Variants in THSD7A observed in about 807,000 individuals in gnomAD.
THSD7A encodes thrombospondin type 1 domain containing 7A.
Under a neutral mutation model 231.3 loss-of-function variants are expected in THSD7A, and 96 were observed. The ratio of observed to expected loss-of-function variants is 0.41; its 90% CI spans 0.35 to 0.49. The LOEUF is 0.49. Among genes scored for constraint, THSD7A ranks in the 20% least tolerant of loss-of-function variants. The pLI, the probability that THSD7A is intolerant of heterozygous loss-of-function variation, is 0.05. For synonymous variants in THSD7A, 940 were observed against 743.3 expected, an observed-to-expected ratio of 1.26 and a Z score of -4.30; for missense variants, 2,290 against 2,070.2, an observed-to-expected ratio of 1.11 and a Z score of -2.06.
At chr7:11,657,183 C>A (rs1782743041) in intron 1 of THSD7A, among the ~76,000 whole-genome samples, 1 of 151,670 alleles carries the variant, frequency 6.6e-6, no homozygotes, top group Admixed American at 6.6e-5. Flanking sequence ...TGATTCCAGT[C>A]AGAATGGGGG....
intron 1 of THSD7A, among the ~76,000 whole-genome samples, chr7:11,718,027 T>C (rs1009335678): frequency 6.6e-6 from 1 of 151,600 alleles, no homozygotes; most frequent in Admixed American, 6.6e-5. Context: ...TGCACAAAGA[T>C]TATCACAAAT....
intron 1 of THSD7A, among the ~76,000 whole-genome samples, chr7:11,825,004 C>A (rs142491656): frequency 1.3e-5 from 2 of 152,002 alleles, no homozygotes; most frequent in South Asian, 4.1e-4. Flanking sequence ...GCTGTCTACA[C>A]ATAAGTGCCA....
intron 1 of THSD7A, among the ~76,000 whole-genome samples, chr7:11,682,284 A>C (rs1427419399): frequency 6.6e-6 from 1 of 152,132 alleles, no homozygotes; most frequent in South Asian, 2.1e-4. Flanking sequence ...AACAGCCTCA[A>C]TGCTCTACTT....
chr7:11,616,690 C>T (rs1163497726), intron 2 of THSD7A, among the ~76,000 whole-genome samples: 4 of 152,144 alleles, frequency 2.6e-5, no homozygotes, highest in Admixed American at 6.6e-5. Context: ...CCTTCCTTAG[C>T]TCTCCCCAGT....
intron 1 of THSD7A, among the ~76,000 whole-genome samples, chr7:11,749,493 G>A (rs902197292): frequency 5.1e-4 from 78 of 151,520 alleles, no homozygotes; most frequent in African/African-American, 1.8e-3. Context: ...TAAGTATAGC[G>A]GCCATCACCC....
At chr7:11,488,591 G>A (rs1179131419) in intron 6 of THSD7A, among the ~76,000 whole-genome samples, 1 of 152,052 alleles carries the variant, frequency 6.6e-6, no homozygotes, top group Non-Finnish European at 1.5e-5. Flanking sequence ...CAGGTAGTGA[G>A]CCTGATTTTA....
At chr7:11,704,087 G>A (rs1169252446) in intron 1 of THSD7A, among the ~76,000 whole-genome samples, 1 of 151,016 alleles carries the variant, frequency 6.6e-6, no homozygotes, top group African/African-American at 2.4e-5. Flanking sequence ...TTAATTGAAA[G>A]GAACAAAGCA....
intron 1 of THSD7A, among the ~76,000 whole-genome samples, chr7:11,796,481 ATTT>A: frequency 6.6e-6 from 1 of 152,058 alleles, no homozygotes; most frequent in African/African-American, 2.4e-5. Context: ...TTTGAAAAGA[ATTT>A]TTATTTTTCT....
At chr7:11,407,164 C>T (rs559552002) in intron 20 of THSD7A, 109 bp from the exon 21 acceptor site, 419 of 1,484,598 alleles carry the variant, frequency 2.8e-4, no homozygotes, top group Non-Finnish European at 3.8e-4. Context: ...AATCCAGGAA[C>T]AAGTAAGGCT....
chr7:11,429,250 G>A (rs992556351), intron 13 of THSD7A, 125 bp from the exon 14 acceptor site: 4 of 857,452 alleles, frequency 4.7e-6, no homozygotes, highest in Admixed American at 3.4e-5. Flanking sequence ...ATGCAGAGGT[G>A]TCTCTGTTGT....
chr7:11,549,400 C>A (rs569530034), intron 4 of THSD7A, among the ~76,000 whole-genome samples: 1 of 152,180 alleles, frequency 6.6e-6, no homozygotes, highest in African/African-American at 2.4e-5. Context: ...ACTAGAAATA[C>A]CATTTGACCC....
At chr7:11,737,982 A>G (rs562400285) in intron 1 of THSD7A, among the ~76,000 whole-genome samples, 1 of 152,112 alleles carries the variant, frequency 6.6e-6, no homozygotes, top group South Asian at 2.1e-4. Context: ...CTCTCTCATT[A>G]TTCTAGATGC....
intron 4 of THSD7A, among the ~76,000 whole-genome samples, chr7:11,561,641 C>T (rs111295262): frequency 0.028 from 4,200 of 152,172 alleles, 196 homozygotes; most frequent in African/African-American, 0.093. Context: ...GAGGCCAAGG[C>T]GGGTGGATTA....
chr7:11,820,849 T>G (rs1330645801), intron 1 of THSD7A: 2 of 949,144 alleles, frequency 2.1e-6, no homozygotes, highest in African/African-American at 3.3e-5. Flanking sequence ...CTTTATAAGT[T>G]TTCTGTTTTC....
intron 6 of THSD7A, among the ~76,000 whole-genome samples, chr7:11,525,022 C>A (rs1237976668): frequency 2.0e-5 from 3 of 152,200 alleles, no homozygotes; most frequent in Non-Finnish European, 4.4e-5. Flanking sequence ...AAGGCACGTT[C>A]TTCATACACA....
intron 13 of THSD7A, among the ~76,000 whole-genome samples, chr7:11,441,280 C>T (rs1163471955): frequency 4.6e-5 from 7 of 151,982 alleles, no homozygotes; most frequent in African/African-American, 9.7e-5. Flanking sequence ...TAAGATGATA[C>T]ACCCTTTAGA....
At chr7:11,673,875 G>T (rs895573206) in intron 1 of THSD7A, among the ~76,000 whole-genome samples, 1 of 152,044 alleles carries the variant, frequency 6.6e-6, no homozygotes, top group Non-Finnish European at 1.5e-5. Flanking sequence ...ACCAGGTCAG[G>T]GGAGCATGAG....
At chr7:11,828,512 A>G (rs1266808160) in intron 1 of THSD7A, among the ~76,000 whole-genome samples, 2 of 152,174 alleles carry the variant, frequency 1.3e-5, no homozygotes, top group Non-Finnish European at 2.9e-5. Context: ...TGTGTATGGT[A>G]TGCCATGTTG....
rs1250440670 is a variant in THSD7A, at chr7:11,504,832, C to T, written c.1823-22850G>A. The stretch of plus-strand genomic sequence containing the variant: ...TTTAAAAAGAAAGGACAACTAACTC[C>T]TTTTTTTTTATTGCATTTATTTGTA... On this transcript the variant is annotated intron_variant, in intron 6 of 27. Transcript: ENST00000423059. Among the ~76,000 whole-genome samples the T allele has an allele frequency of 3.3e-5, 5 of 150,198 alleles. No individual in the cohort carries two copies. The South Asian group carries it at 6.3e-4, about 19-fold the overall frequency.
Sources: allele counts gnomAD v4.1 joint callset (sites outside exome capture counted in the v4.1 genomes callset), GRCh38; gene constraint gnomAD v4.1.1; transcripts MANE v1.5; gene names NCBI Gene and HGNC (gene_info 2026-07-23, HGNC 2026-07-21).